NDUFAF6: variants seen among roughly 807,000 people sequenced by gnomAD.
NDUFAF6 encodes the protein NADH dehydrogenase (ubiquinone) complex I, assembly factor 6.
NDUFAF6 carries 45 observed loss-of-function variants against 40.8 expected under a neutral mutation model. That is an observed-to-expected ratio of 1.10 (90% CI 0.87 to 1.42). NDUFAF6 has a LOEUF of 1.42. NDUFAF6 is among the 40% of genes most tolerant of loss of function. The pLI is 0.00. For missense variants in NDUFAF6, 435 were observed against 418.5 expected, an observed-to-expected ratio of 1.04 and a Z score of -0.34; for synonymous variants, 185 against 155.9, an observed-to-expected ratio of 1.19 and a Z score of -1.39.
At chr8:94,927,532 A>C (rs1169941378) in intron 1 of NDUFAF6, 1 of 152,182 alleles carries the variant, frequency 6.6e-6, no homozygotes, top group Non-Finnish European at 1.5e-5. Flanking sequence ...CGAAAACCCA[A>C]TCACTTTGCA....
At chr8:95,061,947 C>A (rs1207849298), downstream of NDUFAF6, among the ~76,000 whole-genome samples, 2 of 151,958 alleles carry the variant, frequency 1.3e-5, no homozygotes, top group Non-Finnish European at 2.9e-5. Flanking sequence ...CCCTTAAGCC[C>A]AGGAGTTCAA....
intron 5 of NDUFAF6, among the ~76,000 whole-genome samples, chr8:95,046,697 A>ATGG (rs1355259188): frequency 6.6e-6 from 1 of 152,212 alleles, no homozygotes; most frequent in Non-Finnish European, 1.5e-5. Flanking sequence ...AGGAGAAGAA[A>ATGG]TGGAAGACTT....
intron 8 of NDUFAF6, among the ~76,000 whole-genome samples, chr8:95,056,266 C>T (rs1443370208): frequency 6.6e-6 from 1 of 151,644 alleles, no homozygotes; most frequent in Non-Finnish European, 1.5e-5. Context: ...CTCTGTCACC[C>T]AGGCTAGAGT....
chr8:94,919,174 T>C (rs1203079519), intron 1 of NDUFAF6, among the ~76,000 whole-genome samples: 2 of 152,132 alleles, frequency 1.3e-5, no homozygotes, highest in Admixed American at 6.6e-5. Context: ...TAAGTGGTTA[T>C]TACTTGACTT....
chr8:95,086,817 A>G (rs1409071483), intron 2 of NDUFAF6, among the ~76,000 whole-genome samples: 1 of 151,698 alleles, frequency 6.6e-6, no homozygotes, highest in African/African-American at 2.4e-5. Context: ...GTTAGCCAGG[A>G]TGGTCTCGAT....
At chr8:94,943,386 G>A (rs1246331427) in intron 1 of NDUFAF6, among the ~76,000 whole-genome samples, 2 of 152,164 alleles carry the variant, frequency 1.3e-5, no homozygotes, top group Non-Finnish European at 2.9e-5. Context: ...CTACTTGGGA[G>A]GCTGACGTGG....
chr8:95,074,585 A>T (rs879367496), intron 9 of NDUFAF6, among the ~76,000 whole-genome samples: 1 of 152,108 alleles, frequency 6.6e-6, no homozygotes, highest in Non-Finnish European at 1.5e-5. Context: ...CCCCATTTCT[A>T]TGAATAGCAG....
chr8:95,058,923 C>T (rs1031553015), downstream of NDUFAF6, among the ~76,000 whole-genome samples: 8 of 152,044 alleles, frequency 5.3e-5, no homozygotes, highest in East Asian at 1.9e-4. Flanking sequence ...TGGTGGTGCA[C>T]GCCCAGCTAC....
At chr8:94,940,958 A>G (rs1169194200) in intron 1 of NDUFAF6, 5 of 1,594,340 alleles carry the variant, frequency 3.1e-6, no homozygotes, top group Non-Finnish European at 2.6e-6. Flanking sequence ...GGCAAGACTG[A>G]GAGTTTGGCT....
chr8:94,921,824 C>G (rs1290440669), intron 1 of NDUFAF6, among the ~76,000 whole-genome samples: 2 of 152,182 alleles, frequency 1.3e-5, no homozygotes, highest in East Asian at 3.8e-4. Context: ...TCAATTGCCT[C>G]TGTGAAATAG....
At position 94,981,006 on chromosome 8, in the gene NDUFAF6, G is replaced by A. The variant is rs756764828; in HGVS notation, c.-84+33G>A. 19 of 456,310 alleles carry A rather than the reference G, an allele frequency of 4.2e-5. 1 individual carries two copies. The highest frequency in any genetic ancestry group is 2.6e-4 in the South Asian group (17 of 64,542). 28.3% of individuals were successfully genotyped at this position (456,310 alleles called of 1,614,324 possible). ...AGTAATTGAAATCAGTTAAATTAGT[G>A]CCAGCACAAAGAGGCTCTTTCCCCC... On this transcript the variant is annotated intron_variant, in intron 2 of 9. Coordinates refer to the NDUFAF6 transcript ENST00000396111.
At chr8:94,975,467 G>A (rs529307689) in intron 1 of NDUFAF6, 2 of 152,340 alleles carry the variant, frequency 1.3e-5, no homozygotes, top group African/African-American at 4.8e-5. Flanking sequence ...AGGCAGCGGG[G>A]AGCTATAGCA....
At chr8:94,969,881 C>G (rs1824315670) in intron 1 of NDUFAF6, among the ~76,000 whole-genome samples, 1 of 152,068 alleles carries the variant, frequency 6.6e-6, no homozygotes, top group South Asian at 2.1e-4. Context: ...CATGAACAGA[C>G]AGTTTGAAAA....
intron 1 of NDUFAF6, among the ~76,000 whole-genome samples, chr8:94,925,549 CTT>C (rs1287916481): frequency 2.7e-4 from 37 of 135,340 alleles, no homozygotes; most frequent in Admixed American, 5.3e-4. Flanking sequence ...AAAAGAAATC[CTT>C]TTTTTTTTTT....
intron 1 of NDUFAF6, among the ~76,000 whole-genome samples, chr8:94,909,378 A>C (rs1191444498): frequency 6.6e-5 from 5 of 76,118 alleles, no homozygotes; most frequent in African/African-American, 2.1e-4. Flanking sequence ...AAAAAAAAAA[A>C]AAAACACTTC....
intron 1 of NDUFAF6, among the ~76,000 whole-genome samples, chr8:95,026,022 G>T (rs1828076795): frequency 6.6e-6 from 1 of 152,052 alleles, no homozygotes; most frequent in Non-Finnish European, 1.5e-5. Context: ...GAAGTACTTG[G>T]TCTCAAGGAC....
At chr8:95,075,089 CA>C (rs1451715912) in intron 9 of NDUFAF6, among the ~76,000 whole-genome samples, 1 of 152,120 alleles carries the variant, frequency 6.6e-6, no homozygotes. Context: ...GGACAGCTGA[CA>C]AGCAGAACCC....
intron 9 of NDUFAF6, among the ~76,000 whole-genome samples, chr8:95,071,190 AC>A (rs1291677876): frequency 6.6e-6 from 1 of 151,498 alleles, no homozygotes; most frequent in East Asian, 1.9e-4. Flanking sequence ...GGAAATCAAG[AC>A]CATCCTGGCT....
At chr8:95,114,681 C>G (rs888058519) in intron 4 of NDUFAF6, among the ~76,000 whole-genome samples, 1 of 152,084 alleles carries the variant, frequency 6.6e-6, no homozygotes, top group South Asian at 2.1e-4. Context: ...TTCATTCACC[C>G]GGTATATACA....
Sources: gnomAD v4.1 joint callset for allele counts (sites outside exome capture counted in the v4.1 genomes callset) on GRCh38, gnomAD v4.1.1 for gene constraint, MANE v1.5 for transcripts, NCBI Gene and HGNC (gene_info 2026-07-23, HGNC 2026-07-21) for gene names.